The following PROS1 variants were observed in gnomAD, a reference collection of about 807,000 sequenced individuals.
PROS1 encodes the protein protein S.
PROS1 carries 29 observed loss-of-function variants against 75.9 expected under a neutral mutation model. That is an observed-to-expected ratio of 0.38 (90% CI 0.28 to 0.52). PROS1 has a LOEUF of 0.52. Ranked by LOEUF, PROS1 falls within the 20% of genes least tolerant of loss-of-function variation. PROS1 has a pLI of 0.83. For synonymous variants in PROS1, 245 were observed against 280.6 expected (o/e 0.87, Z 1.27); for missense variants, 680 against 810.3 (o/e 0.84, Z 1.95).
At chr3:93,944,950 A>C (rs1709356016) in intron 1 of PROS1, among the ~76,000 whole-genome samples, 1 of 152,124 alleles carries the variant, frequency 6.6e-6, no homozygotes, top group African/African-American at 2.4e-5. Context: ...AGAGAGAAGA[A>C]TCAAATAGAC....
At chr3:93,960,637 C>G (rs1418842957) in intron 1 of PROS1, among the ~76,000 whole-genome samples, 1 of 131,980 alleles carries the variant, frequency 7.6e-6, no homozygotes, top group African/African-American at 2.9e-5. Flanking sequence ...CCACACTGAA[C>G]TTTATATGGT....
At chr3:93,884,976 G>T in intron 11 of PROS1, 80 bp from the exon 12 acceptor site, 2 of 1,208,954 alleles carry the variant, frequency 1.7e-6, no homozygotes, top group South Asian at 1.4e-5. Context: ...TTTTCATTAA[G>T]AGAAAAAAAA....
chr3:93,945,199 G>A (rs1335619145), intron 1 of PROS1, among the ~76,000 whole-genome samples: 2 of 152,130 alleles, frequency 1.3e-5, no homozygotes, highest in Non-Finnish European at 2.9e-5. Flanking sequence ...AGGACCAGAC[G>A]GATTCACAGA....
intron 1 of PROS1, among the ~76,000 whole-genome samples, chr3:93,959,783 C>T (rs367709327): frequency 6.6e-6 from 1 of 152,208 alleles, no homozygotes; most frequent in Non-Finnish European, 1.5e-5. Context: ...AAAACTCAAG[C>T]TTCTTTTCAA....
chr3:93,880,273 G>C (rs1485316594), intron 12 of PROS1, among the ~76,000 whole-genome samples: 2 of 152,006 alleles, frequency 1.3e-5, no homozygotes, highest in Non-Finnish European at 2.9e-5. Flanking sequence ...CTAGCACTTT[G>C]GAATTGCCTG....
intron 1 of PROS1, among the ~76,000 whole-genome samples, chr3:93,962,063 A>G (rs1330726870): frequency 6.6e-6 from 1 of 152,118 alleles, no homozygotes; most frequent in Non-Finnish European, 1.5e-5. Context: ...TAAGCATTTT[A>G]CTGGCAGTTC....
intron 1 of PROS1, among the ~76,000 whole-genome samples, chr3:93,955,035 C>A (rs1709574286): frequency 6.6e-6 from 1 of 152,236 alleles, no homozygotes; most frequent in African/African-American, 2.4e-5. Flanking sequence ...GATACCATCT[C>A]TCACCAGTTA....
chr3:93,927,739 C>A (rs1235284482), intron 1 of PROS1, among the ~76,000 whole-genome samples: 1 of 150,810 alleles, frequency 6.6e-6, no homozygotes, highest in Non-Finnish European at 1.5e-5. Flanking sequence ...TGGTGGCTCA[C>A]CTTCGTAATC....
rs1709930243 is a variant in PROS1, at chr3:93,973,796, G to C, written c.-47C>G. ...GGCAGGGACGGTGGCGCGTCGCGGC[G>C]GGGACCGGAGCGCTAGGCGCCGCGG... On this transcript the variant is annotated 5_prime_UTR_variant, in exon 1 of 15. Coordinates refer to ENST00000394236, the MANE Select transcript of PROS1 (RefSeq NM_000313.4). The C allele has an allele frequency of 4.6e-6, 7 of 1,535,926 alleles. No homozygotes were observed. Among genetic ancestry groups the C allele is most frequent in the African/African-American group, 1.4e-5 (1 of 72,898 alleles).
intron 1 of PROS1, among the ~76,000 whole-genome samples, chr3:93,942,813 T>C (rs1236392444): frequency 6.6e-6 from 1 of 152,184 alleles, no homozygotes. Context: ...CAGTGTTCCA[T>C]CTGCTCTTCT....
chr3:93,898,595 C>T (rs1273678153), intron 7 of PROS1, 26 bp from the exon 8 acceptor site: 1 of 1,610,256 alleles, frequency 6.2e-7, no homozygotes, highest in Non-Finnish European at 8.5e-7. Flanking sequence ...CACACGCACA[C>T]AAACTTTAAT....
rs185310100 is a variant in PROS1 at position 93,875,233 on chromosome 3, G to A, written c.1871-828C>T. On this transcript the variant is annotated intron_variant, in intron 14 of 14. Transcript: ENST00000394236. ...GAAAAGAAATTACTCAAATTCATTC[G>A]ATTTTGAGGAAAGAAATTACTCAAA... Among the ~76,000 whole-genome samples, 312 of 151,996 alleles carry A rather than the reference G, an allele frequency of 2.1e-3. 2 individuals are homozygous for A. Among genetic ancestry groups the A allele is most frequent in the African/African-American group, 5.7e-3 (237 of 41,488 alleles).
intron 3 of PROS1, among the ~76,000 whole-genome samples, chr3:93,923,348 G>A (rs550738828): frequency 1.3e-3 from 196 of 152,058 alleles, no homozygotes; most frequent in African/African-American, 4.5e-3. Context: ...AGTATTGTGC[G>A]TGCAAAAATG....
chr3:93,890,285 G>A (rs1351921740), intron 10 of PROS1, among the ~76,000 whole-genome samples: 2 of 152,138 alleles, frequency 1.3e-5, no homozygotes, highest in East Asian at 1.9e-4. Flanking sequence ...TACGTGCACC[G>A]CTGAACATAG....
chr3:93,903,365 TAA>T (rs1189271321), intron 6 of PROS1, among the ~76,000 whole-genome samples: 2 of 152,178 alleles, frequency 1.3e-5, no homozygotes, highest in African/African-American at 4.8e-5. Flanking sequence ...TTTTAATTTT[TAA>T]AAAGTCACAA....
chr3:93,891,869 A>G (rs1157901627), intron 10 of PROS1, among the ~76,000 whole-genome samples: 1 of 151,928 alleles, frequency 6.6e-6, no homozygotes. Flanking sequence ...AGCCTGGGCA[A>G]CATAGCAAGA....
chr3:93,884,755 C>A lies in PROS1; in HGVS notation c.1465G>T (p.Gly489Ter). 2 of 1,613,682 alleles carry A rather than the reference C, an allele frequency of 1.2e-6. No homozygotes were observed. Among genetic ancestry groups the A allele is most frequent in the Non-Finnish European group, 1.7e-6 (2 of 1,179,844 alleles). ...TAATCTATGTGAAATTGAGCAATTC[C>A]AGAACCAGGATAGTAGGAGCCCTTC... ...VEKGSYYPGS[G>*]IAQFHIDYNN... Residue 489 changes from glycine to a stop codon, truncating the protein, a stop_gained, in exon 12 of 15, where the codon GGA becomes TGA. Transcript: ENST00000394236. LOFTEE classifies it high-confidence loss of function.
intron 1 of PROS1, among the ~76,000 whole-genome samples, chr3:93,972,304 T>C (rs1337365353): frequency 6.6e-6 from 1 of 152,230 alleles, no homozygotes; most frequent in Non-Finnish European, 1.5e-5. Flanking sequence ...GTTTTGCAAT[T>C]GTAGCTGTTT....
At chr3:93,963,376 C>T (rs1282411674) in intron 1 of PROS1, among the ~76,000 whole-genome samples, 1 of 152,060 alleles carries the variant, frequency 6.6e-6, no homozygotes, top group Non-Finnish European at 1.5e-5. Flanking sequence ...AGCCTAAAGG[C>T]ATAACTTAGT....
Sources: allele counts gnomAD v4.1 joint callset (sites outside exome capture counted in the v4.1 genomes callset), GRCh38; gene constraint gnomAD v4.1.1; transcripts MANE v1.5; gene names NCBI Gene and HGNC (gene_info 2026-07-23, HGNC 2026-07-21).